The following KLHL29 variants were observed in gnomAD, a reference collection of about 807,000 sequenced individuals.
The protein encoded by KLHL29 is kelch like family member 29.
A neutral mutation model predicts 80.4 loss-of-function variants in KLHL29; 21 were observed. That is an observed-to-expected ratio of 0.26 (90% CI 0.19 to 0.38). The LOEUF is 0.38. KLHL29 is among the 10% of genes least tolerant of loss of function. KLHL29 has a pLI of 1.00. For synonymous variants in KLHL29, 511 were observed against 526.8 expected, an observed-to-expected ratio of 0.97 and a Z score of 0.41; for missense variants, 867 against 1,223.9, an observed-to-expected ratio of 0.71 and a Z score of 4.35.
At chr2:23,521,477 G>T (rs1049470368) in intron 2 of KLHL29, among the ~76,000 whole-genome samples, 1 of 152,242 alleles carries the variant, frequency 6.6e-6, no homozygotes, top group African/African-American at 2.4e-5. Flanking sequence ...TGCAGGTGCA[G>T]CCTGTCCCCT....
At chr2:23,475,172 G>A (rs1664597390) in intron 1 of KLHL29, among the ~76,000 whole-genome samples, 1 of 152,058 alleles carries the variant, frequency 6.6e-6, no homozygotes, top group Admixed American at 6.5e-5. Context: ...CCCCATTGCT[G>A]GAGTTTCTTA....
intron 2 of KLHL29, among the ~76,000 whole-genome samples, chr2:23,534,028 T>C (rs1458865439): frequency 2.0e-5 from 3 of 152,128 alleles, no homozygotes; most frequent in Non-Finnish European, 4.4e-5. Flanking sequence ...TTAATTGATA[T>C]TTGAACCAAG....
rs1440151347 is a variant in KLHL29, at chr2:23,562,304, C to T, written c.108C>T (p.Thr36=). 9.1e-6 allele frequency: 14 copies of T among 1,545,826 alleles called. No homozygotes were observed. The highest frequency in any genetic ancestry group is 1.2e-5 in the Non-Finnish European group (14 of 1,143,986). The change falls in exon 3 of 14, where the codon ACC becomes ACT. Residue 36 remains threonine, a synonymous_variant. Transcript: ENST00000486442. The surrounding 1 kb of genome is among the most constrained non-coding windows in gnomAD (Gnocchi z 4.5). ...GGACCACCAGCATCTGCAGTGTCAC[C>T]TCGGGGGCCGGTGGCGGCACAGCCA... ...THGTTSICSV[T]SGAGGGTASS...
chr2:23,569,281 A>G (rs1667660726), intron 3 of KLHL29, among the ~76,000 whole-genome samples: 1 of 152,226 alleles, frequency 6.6e-6, no homozygotes, highest in Non-Finnish European at 1.5e-5. Flanking sequence ...AAATCAGGAA[A>G]GGGAGCCTGT....
At chr2:23,589,890 G>T (rs1205995912) in intron 3 of KLHL29, among the ~76,000 whole-genome samples, 2 of 152,352 alleles carry the variant, frequency 1.3e-5, no homozygotes, top group East Asian at 3.9e-4. Context: ...ATGTACAGCT[G>T]TACAAGCTGT....
intron 2 of KLHL29, among the ~76,000 whole-genome samples, chr2:23,535,787 A>G (rs1173319059): frequency 6.6e-6 from 1 of 152,238 alleles, no homozygotes; most frequent in Non-Finnish European, 1.5e-5. Context: ...TTTAGTGGGC[A>G]GAGTTTCAGT....
intron 1 of KLHL29, among the ~76,000 whole-genome samples, chr2:23,407,024 T>C (rs1419064483): frequency 6.6e-6 from 1 of 152,226 alleles, no homozygotes; most frequent in African/African-American, 2.4e-5. Flanking sequence ...CTGCTTTTTT[T>C]CCTCTTAACC....
At chr2:23,456,888 T>C (rs1007482568) in intron 1 of KLHL29, among the ~76,000 whole-genome samples, 1 of 152,142 alleles carries the variant, frequency 6.6e-6, no homozygotes, top group Non-Finnish European at 1.5e-5. Context: ...GTTTGAAGTG[T>C]GCTGACGGGG....
chr2:23,414,876 T>C (rs55859063), intron 1 of KLHL29, among the ~76,000 whole-genome samples: 17,232 of 152,294 alleles, frequency 0.11, 2,049 homozygotes, highest in African/African-American at 0.3. Flanking sequence ...TCATCCAAGA[T>C]TCTTTGTAGC....
At chr2:23,439,391 A>C (rs558205791) in intron 1 of KLHL29, among the ~76,000 whole-genome samples, 12 of 151,350 alleles carry the variant, frequency 7.9e-5, no homozygotes, top group Non-Finnish European at 1.3e-4. Context: ...TAGTTCTTTT[A>C]ATTGTGATGT....
At chr2:23,660,431 C>T (rs1324324235) in intron 5 of KLHL29, among the ~76,000 whole-genome samples, 1 of 152,224 alleles carries the variant, frequency 6.6e-6, no homozygotes, top group East Asian at 1.9e-4. Flanking sequence ...TCCCTGGACC[C>T]CCTGCAGCTG....
chr2:23,494,148 A>G (rs558676350), intron 2 of KLHL29, among the ~76,000 whole-genome samples: 2 of 152,338 alleles, frequency 1.3e-5, no homozygotes, highest in South Asian at 4.1e-4. Context: ...ACAAACTATT[A>G]CTCTAGCTAT....
intron 2 of KLHL29, among the ~76,000 whole-genome samples, chr2:23,521,183 C>G (rs1666091271): frequency 6.6e-6 from 1 of 152,140 alleles, no homozygotes; most frequent in Non-Finnish European, 1.5e-5. Context: ...TGGGAGGGGA[C>G]TGCTTCGAGG....
intron 1 of KLHL29, among the ~76,000 whole-genome samples, chr2:23,464,287 C>T (rs113570479): frequency 0.011 from 1,685 of 152,182 alleles, 29 homozygotes; most frequent in African/African-American, 0.038. Flanking sequence ...AAGCCCGGAG[C>T]CCCCGGAGCC....
chr2:23,420,986 G>A (rs956438771), intron 1 of KLHL29, among the ~76,000 whole-genome samples: 1 of 152,166 alleles, frequency 6.6e-6, no homozygotes, highest in Non-Finnish European at 1.5e-5. Context: ...CCAGGCGCCA[G>A]GCCAGGGGCT....
intron 3 of KLHL29, among the ~76,000 whole-genome samples, chr2:23,597,349 GTATA>G (rs1424878411): frequency 4.5e-4 from 51 of 113,124 alleles, no homozygotes; most frequent in Non-Finnish European, 5.9e-4. Context: ...GTGTGTGTAT[GTATA>G]TGTGTATGTA....
intron 1 of KLHL29, among the ~76,000 whole-genome samples, chr2:23,468,442 GCCC>G: frequency 6.6e-6 from 1 of 152,132 alleles, no homozygotes; most frequent in Non-Finnish European, 1.5e-5. Context: ...AAGTCTAATA[GCCC>G]ACCTTGTTTT....
At chr2:23,672,906 G>C (rs1670807249) in intron 5 of KLHL29, 1 of 152,304 alleles carries the variant, frequency 6.6e-6, no homozygotes, top group Non-Finnish European at 1.5e-5. Context: ...CCCCAAGCCA[G>C]GGGAGCATGG....
rs1025690233 is a variant in KLHL29, at chr2:23,618,177, AT to A, written c.286-20952del. Among the ~76,000 whole-genome samples the A allele has an allele frequency of 2.2e-3, 336 of 149,506 alleles. 1 individual carries two copies. The highest frequency in any genetic ancestry group is 7.4e-3 in the African/African-American group (301 of 40,720). ...AGTATTATTGTTTGGGCCTTTATTT[AT>A]TTTTTTTTTCCTGCCTTGACACTCC... On this transcript the variant is annotated intron_variant, in intron 3 of 13. Coordinates refer to ENST00000486442, the MANE Select transcript of KLHL29 (RefSeq NM_052920.2).
Sources: allele counts gnomAD v4.1 joint callset (sites outside exome capture counted in the v4.1 genomes callset), GRCh38; gene constraint gnomAD v4.1.1; non-coding constraint Gnocchi (gnomAD v3.1); transcripts MANE v1.5; gene names NCBI Gene and HGNC (gene_info 2026-07-23, HGNC 2026-07-21).